The following GSE1 variants were observed in gnomAD, a reference collection of about 807,000 sequenced individuals.
GSE1 encodes the protein genetic suppressor element 1.
GSE1 carries 32 observed loss-of-function variants against 112.6 expected under a neutral mutation model. That is an observed-to-expected ratio of 0.28 (90% CI 0.21 to 0.38). The LOEUF (loss-of-function observed/expected upper bound fraction) is 0.38. Ranked by LOEUF, GSE1 falls within the 10% of genes least tolerant of loss-of-function variation. The pLI is 1.00. For synonymous variants in GSE1, 1,115 were observed against 735.6 expected (o/e 1.52, Z -8.35); for missense variants, 2,348 against 1,699.2 (o/e 1.38, Z -6.71).
chr16:85,646,979 A>C (rs1356040176), intron 2 of GSE1, among the ~76,000 whole-genome samples: 1 of 151,884 alleles, frequency 6.6e-6, no homozygotes, highest in Admixed American at 6.6e-5. Flanking sequence ...GACACCCCCT[A>C]CCCCTGCCAC....
intron 2 of GSE1, among the ~76,000 whole-genome samples, chr16:85,638,845 G>A (rs1474293373): frequency 2.0e-5 from 3 of 152,004 alleles, no homozygotes; most frequent in Admixed American, 1.3e-4. Context: ...GGGTTGGAAG[G>A]TGTGGGTCCG....
At chr16:85,616,114 C>CT (rs1191997111) in intron 1 of GSE1, among the ~76,000 whole-genome samples, 2 of 152,266 alleles carry the variant, frequency 1.3e-5, no homozygotes, top group African/African-American at 4.8e-5. Flanking sequence ...AGAGCCAAGT[C>CT]TGCACAGCGC....
intron 1 of GSE1, among the ~76,000 whole-genome samples, chr16:85,317,222 G>A (rs1251617125): frequency 6.6e-6 from 1 of 152,194 alleles, no homozygotes; most frequent in African/African-American, 2.4e-5. Context: ...CCTCCTTTGG[G>A]TGTGGACGGG....
At chr16:85,439,957 GAC>G (rs746414421) in intron 2 of GSE1, among the ~76,000 whole-genome samples, 4 of 152,230 alleles carry the variant, frequency 2.6e-5, no homozygotes, top group Admixed American at 6.5e-5. Context: ...CAGGTACACA[GAC>G]ACACATTATT....
intron 2 of GSE1, among the ~76,000 whole-genome samples, chr16:85,535,852 C>T (rs1035264503): frequency 2.0e-5 from 3 of 152,250 alleles, no homozygotes; most frequent in African/African-American, 7.2e-5. Flanking sequence ...CCTCCAGCTT[C>T]AAAGGCCTGT....
At chr16:85,171,413 C>T (rs2074357145) in exon 1 of GSE1, 1 of 985,568 alleles carries the variant, frequency 1.0e-6, no homozygotes, top group Non-Finnish European at 1.2e-6. Flanking sequence ...ACCGTGTACC[C>T]GCCTGCCCCT....
chr16:85,577,711 C>T (rs952799442), intron 1 of GSE1, among the ~76,000 whole-genome samples: 2 of 152,160 alleles, frequency 1.3e-5, no homozygotes, highest in Non-Finnish European at 2.9e-5. Context: ...CCTGGCTCTA[C>T]CCTTGACTCA....
chr16:85,433,405 G>T (rs1033086350), intron 2 of GSE1, among the ~76,000 whole-genome samples: 2 of 152,014 alleles, frequency 1.3e-5, no homozygotes, highest in Non-Finnish European at 2.9e-5. Flanking sequence ...CCCTGCCCTC[G>T]GCCAGCCTTA....
intron 1 of GSE1, chr16:85,285,187 C>T (rs1020073023): frequency 2.0e-5 from 3 of 152,238 alleles, no homozygotes; most frequent in African/African-American, 7.2e-5. Context: ...CACGGTGTGC[C>T]TGTGACATGA....
intron 1 of GSE1, among the ~76,000 whole-genome samples, chr16:85,617,895 C>T (rs1221297499): frequency 2.4e-4 from 37 of 152,112 alleles, no homozygotes; most frequent in Admixed American, 2.4e-3. Flanking sequence ...CAGAAATGGA[C>T]GTCTCCCCTC....
intron 1 of GSE1, among the ~76,000 whole-genome samples, chr16:85,338,467 C>G (rs751075683): frequency 3.3e-5 from 5 of 152,286 alleles, no homozygotes; most frequent in Middle Eastern, 3.4e-3. Flanking sequence ...TCAGTCTCCC[C>G]CTCCATCAAA....
At chr16:85,441,605 C>A (rs1047090737) in intron 2 of GSE1, among the ~76,000 whole-genome samples, 1 of 152,220 alleles carries the variant, frequency 6.6e-6, no homozygotes, top group Admixed American at 6.5e-5. Context: ...CAAGATCTCA[C>A]CACTGCACTC....
At chr16:85,362,498 A>T (rs1300430973) in intron 2 of GSE1, among the ~76,000 whole-genome samples, 1 of 152,234 alleles carries the variant, frequency 6.6e-6, no homozygotes, top group Non-Finnish European at 1.5e-5. Context: ...CTTCCCGGCC[A>T]TGGAGCCTTC....
At chr16:85,435,611 G>A (rs899503748) in intron 2 of GSE1, among the ~76,000 whole-genome samples, 1 of 151,360 alleles carries the variant, frequency 6.6e-6, no homozygotes, top group African/African-American at 2.4e-5. Context: ...CTCCCCTTGA[G>A]TGGGTTTTGA....
chr16:85,488,586 G>A (rs1460979866), intron 2 of GSE1, among the ~76,000 whole-genome samples: 1 of 151,968 alleles, frequency 6.6e-6, no homozygotes, highest in Non-Finnish European at 1.5e-5. Flanking sequence ...AGAGGCACCA[G>A]GCACTCAGGT....
chr16:85,306,170 A>G (rs1004505074), intron 1 of GSE1: 1 of 154,322 alleles, frequency 6.5e-6, no homozygotes, highest in African/African-American at 2.4e-5. Flanking sequence ...CTCTAGAAAG[A>G]GAGAACCTTC....
In GSE1 at chr16:85,596,168, C is replaced by T. The variant is rs191881356; in HGVS notation, c.37+39805C>T. Among the ~76,000 whole-genome samples, 183 of 152,158 alleles carry T rather than the reference C, an allele frequency of 1.2e-3. 2 individuals carry two copies. The highest frequency in any genetic ancestry group is 4.3e-3 in the African/African-American group (180 of 41,486). On this transcript the variant is annotated intron_variant, in intron 1 of 2. Coordinates refer to the GSE1 transcript ENST00000635906. ...TTCTCTGGCAGAGACGTGGCTGCCT[C>T]CCCCACCGCTGCATCGCAGCTCGAA...
intron 2 of GSE1, among the ~76,000 whole-genome samples, chr16:85,528,479 A>AAT (rs1256460036): frequency 9.1e-6 from 1 of 110,270 alleles, no homozygotes; most frequent in Non-Finnish European, 1.9e-5. Context: ...ACCCCCGGCT[A>AAT]ATTTTTTTTT....
chr16:85,353,275 A>C (rs1038993048), intron 1 of GSE1, among the ~76,000 whole-genome samples: 1 of 152,168 alleles, frequency 6.6e-6, no homozygotes. Context: ...GTCAGTATTC[A>C]TTTGTCTGTA....
Sources: allele counts gnomAD v4.1 joint callset (sites outside exome capture counted in the v4.1 genomes callset), GRCh38; gene constraint gnomAD v4.1.1; transcripts MANE v1.5; gene names NCBI Gene and HGNC (gene_info 2026-07-23, HGNC 2026-07-21).